ATG3: variants seen among roughly 807,000 people sequenced by gnomAD.
ATG3 encodes ubiquitin-like-conjugating enzyme ATG3.
In ATG3, 25 loss-of-function variants were observed where a neutral mutation model predicts 50.7. The observed-to-expected ratio is 0.49, with a 90% CI of 0.36 to 0.69. The LOEUF is 0.69. Ranked by LOEUF, ATG3 falls within the 30% of genes least tolerant of loss-of-function variation. The probability of loss-of-function intolerance (pLI) is 0.00; values close to 1 mark genes in which losing one functional copy is unlikely to be tolerated. For missense variants in ATG3, 281 were observed against 376.0 expected, an observed-to-expected ratio of 0.75 and a Z score of 2.09; for synonymous variants, 119 against 125.5, an observed-to-expected ratio of 0.95 and a Z score of 0.34.
chr3:112,560,462 T>C lies in ATG3; in HGVS notation c.72+995A>G, dbSNP rs531076844. Among the ~76,000 whole-genome samples the C allele has an allele frequency of 1.1e-3, 175 of 152,316 alleles. 4 individuals carry two copies. In the South Asian group the frequency reaches 0.033, roughly 29 times the overall value. Reference sequence around the variant, plus strand: ...CGTATTTTAAAAAGTATAGACCTAGTACTTCCCTTTGTCATGGAAAGGGAG... The same window carrying C: ...CGTATTTTAAAAAGTATAGACCTAGCACTTCCCTTTGTCATGGAAAGGGAG... On this transcript the variant is annotated intron_variant, in intron 1 of 11. Coordinates refer to ENST00000283290, the MANE Select transcript of ATG3 (RefSeq NM_022488.5).
intron 3 of ATG3, among the ~76,000 whole-genome samples, chr3:112,552,405 G>GA: frequency 6.6e-6 from 1 of 150,970 alleles, no homozygotes; most frequent in Non-Finnish European, 1.5e-5. Context: ...AAAAGGTATT[G>GA]AAAAAAAATA....
chr3:112,550,244 C>T lies in ATG3; in HGVS notation c.183G>A (p.Leu61=), dbSNP rs150706220. ...CTGTTGGTAGGTATGCCTTCACTTT[C>T]AATTCTTCCCCTGTAGCCCTTTAAA... ...PTWQWATGEE[L]KVKAYLPTGK... is the part of the protein sequence containing the mutation. Residue 61 remains leucine (L), a synonymous_variant, in exon 4 of 12, where the codon TTG becomes TTA. Coordinates refer to ENST00000283290, the MANE Select transcript of ATG3 (RefSeq NM_022488.5). 1.3e-4 allele frequency: 213 copies of T among 1,612,792 alleles called. No individual in the cohort carries two copies. Among genetic ancestry groups the T allele is most frequent in the Non-Finnish European group, 1.7e-4 (205 of 1,179,452 alleles).
chr3:112,542,874 A>G (rs1161765035), intron 6 of ATG3, among the ~76,000 whole-genome samples: 1 of 152,046 alleles, frequency 6.6e-6, no homozygotes, highest in African/African-American at 2.4e-5. Context: ...TATCATTCCC[A>G]AAGTCTGAAG....
Position 112,561,809 on chromosome 3 carries a change from A to T in ATG3, c.-281T>A. 4.5e-6 allele frequency: 2 copies of T among 444,640 alleles called. No individual in the cohort carries two copies. The highest frequency in any genetic ancestry group is 8.0e-6 in the Non-Finnish European group (2 of 249,788). The allele number at this position is 444,640 out of a possible 1,614,324, so 27.5% of individuals were successfully genotyped here. A position where few individuals can be genotyped will look rare whatever the true frequency, so the allele number is the denominator to read the frequency against. ...GCCGCGAGGGAGGGCAGCGGGGCCG[A>T]AGGGAGACCTGAGGTGAGAAGCGGA... On this transcript the variant is annotated 5_prime_UTR_variant, in exon 1 of 12. Coordinates refer to ENST00000283290, the MANE Select transcript of ATG3 (RefSeq NM_022488.5).
At chr3:112,544,686 T>TA (rs1205516314) in intron 5 of ATG3, among the ~76,000 whole-genome samples, 4 of 99,070 alleles carry the variant, frequency 4.0e-5, no homozygotes, top group Non-Finnish European at 9.6e-5. Context: ...GACAAGAGTT[T>TA]AAAAAAACTA....
At chr3:112,555,738 C>A (rs1390001622) in intron 2 of ATG3, among the ~76,000 whole-genome samples, 3 of 152,224 alleles carry the variant, frequency 2.0e-5, no homozygotes. Context: ...GCTCATTCTA[C>A]TCTAACTCAA....
At chr3:112,536,290 A>G in intron 10 of ATG3, 185 bp downstream of exon 10, 2 of 610,454 alleles carry the variant, frequency 3.3e-6, no homozygotes, top group Non-Finnish European at 5.1e-6. Context: ...CAAATTGGTA[A>G]GTTTTTTTTC....
At chr3:112,544,394 G>A (rs1217220151) in intron 5 of ATG3, among the ~76,000 whole-genome samples, 1 of 152,102 alleles carries the variant, frequency 6.6e-6, no homozygotes, top group African/African-American at 2.4e-5. Flanking sequence ...GGTGGATCAC[G>A]CCTGTAATCC....
intron 11 of ATG3, chr3:112,533,258 T>C (rs2082569203): frequency 1.0e-6 from 1 of 984,830 alleles, no homozygotes; most frequent in Non-Finnish European, 1.2e-6. Context: ...TACTGGACTG[T>C]CTTTAATTAA....
chr3:112,544,159 A>G (rs767562691), intron 5 of ATG3, 53 bp from the exon 6 acceptor site: 122 of 1,387,808 alleles, frequency 8.8e-5, no homozygotes, highest in Non-Finnish European at 1.1e-4. Flanking sequence ...TAAACACCCT[A>G]TTTACTTATT....
intron 6 of ATG3, among the ~76,000 whole-genome samples, chr3:112,543,083 T>C (rs1933276342): frequency 6.6e-6 from 1 of 152,072 alleles, no homozygotes; most frequent in Non-Finnish European, 1.5e-5. Flanking sequence ...TCTTCGTTTC[T>C]ATCACTTTCT....
intron 2 of ATG3, among the ~76,000 whole-genome samples, chr3:112,555,662 G>A (rs139836684): frequency 6.6e-6 from 1 of 152,104 alleles, no homozygotes; most frequent in Admixed American, 6.5e-5. Flanking sequence ...TGAAACAAAT[G>A]AACAAATCAA....
intron 10 of ATG3, chr3:112,535,696 A>G (rs1307737858): frequency 1.3e-5 from 2 of 152,208 alleles, no homozygotes; most frequent in Admixed American, 6.5e-5. Flanking sequence ...AGAAAATATT[A>G]AAGGTTGTTT....
chr3:112,543,930 G>A (rs1056431801), intron 6 of ATG3, 127 bp downstream of exon 6: 12 of 613,430 alleles, frequency 2.0e-5, no homozygotes, highest in East Asian at 1.5e-4. Flanking sequence ...GAATTTAAAA[G>A]AGCTTGATAA....
chr3:112,538,060 T>C (rs1313270695), intron 8 of ATG3, 86 bp downstream of exon 8: 1 of 1,266,868 alleles, frequency 7.9e-7, no homozygotes, highest in African/African-American at 1.5e-5. Flanking sequence ...TAGAATGTCT[T>C]TGAAAGATCA....
chr3:112,553,303 G>GA lies in ATG3; in HGVS notation c.140dup (p.His48ProfsTer36). ...ACCATTGCCATGTTGGACAGTGGTGGACTAGGTGATCTCCAGCTGCCACAA... is the reference window on the plus strand; with the variant it reads ...ACCATTGCCATGTTGGACAGTGGTGGAACTAGGTGATCTCCAGCTGCCACAA... On this transcript the variant is annotated frameshift_variant, in exon 3 of 12. Transcript: ENST00000283290. LOFTEE classifies it high-confidence loss of function. 6.2e-7 allele frequency: 1 copy of GA among 1,611,780 alleles called. No homozygotes were observed. Among genetic ancestry groups the GA allele is most frequent in the Non-Finnish European group, 8.5e-7 (1 of 1,177,988 alleles).
chr3:112,560,898 T>C (rs1933843678), intron 1 of ATG3, among the ~76,000 whole-genome samples: 1 of 152,152 alleles, frequency 6.6e-6, no homozygotes, highest in African/African-American at 2.4e-5. Context: ...GGAAAAAGGT[T>C]TTGCTCGTTA....
chr3:112,533,784 A>T, intron 11 of ATG3: 1 of 985,472 alleles, frequency 1.0e-6, no homozygotes, highest in South Asian at 4.7e-5. Context: ...AGTAAGATAC[A>T]AGAAAGGTGC....
At chr3:112,535,909 T>A (rs1278278145) in intron 10 of ATG3, 2 of 152,832 alleles carry the variant, frequency 1.3e-5, no homozygotes, top group Admixed American at 6.5e-5. Flanking sequence ...TGTATATAGG[T>A]TCAGCTTCAC....
Sources: gnomAD v4.1 joint callset for allele counts (sites outside exome capture counted in the v4.1 genomes callset) on GRCh38, gnomAD v4.1.1 for gene constraint, MANE v1.5 for transcripts, NCBI Gene and HGNC (gene_info 2026-07-23, HGNC 2026-07-21) for gene names.